NRL: variants seen among roughly 807,000 people sequenced by gnomAD.
NRL encodes the protein neural retina leucine zipper.
NRL carries 16 observed loss-of-function variants against 12.5 expected under a neutral mutation model. The ratio of observed to expected loss-of-function variants is 1.28; its 90% confidence interval spans 0.87 to 1.95. The LOEUF is 1.95. NRL is among the 30% of genes most tolerant of loss of function. The pLI, the probability that NRL is intolerant of heterozygous loss-of-function variation, is 0.00. For synonymous variants in NRL, 142 were observed against 150.9 expected (o/e 0.94, Z 0.43); for missense variants, 314 against 325.8 (o/e 0.96, Z 0.28).
In NRL at chr14:24,103,220, T is replaced by C. The variant is rs1414326220; in HGVS notation, c.-28+11502A>G. ...CATGGGGTGTTTGTGGGCAGCGCCA[T>C]GCGCTCTGAGTCCACTGCTGCAGCA... is the stretch of plus-strand genomic sequence containing the variant. On this transcript the variant is annotated intron_variant, in intron 1 of 2. Coordinates refer to ENST00000561028, the MANE Select transcript of NRL (RefSeq NM_001354768.3). The C allele has an allele frequency of 1.8e-5, 29 of 1,613,972 alleles. 2 individuals carry two copies. Among genetic ancestry groups the C allele is most frequent in the African/African-American group, 9.3e-5 (7 of 74,924 alleles).
chr14:24,103,585 G>A lies in NRL; in HGVS notation c.-28+11137C>T, dbSNP rs777497424. The stretch of plus-strand genomic sequence containing the variant: ...AACTTCGGGCACTACCTGGAACACT[G>A]GCTGAGCATGGAAGGGCGCAAGGGG... On this transcript the variant is annotated intron_variant, in intron 1 of 2. Transcript: ENST00000561028. 4 of 1,604,190 alleles carry A rather than the reference G, an allele frequency of 2.5e-6. No individual in the cohort carries two copies. The South Asian group carries it at 4.4e-5, about 18-fold the overall frequency.
Position 24,114,835 on chromosome 14 carries a change from G to C in NRL, c.-141C>G, listed in dbSNP as rs958122862. The C allele has an allele frequency of 4.1e-6, 4 of 985,842 alleles. No individual in the cohort carries two copies. The highest frequency in any genetic ancestry group is 1.7e-5 in the African/African-American group (1 of 57,260). The allele number at this position is 985,842 out of a possible 1,614,324, so 61.1% of individuals were successfully genotyped here. On this transcript the variant is annotated 5_prime_UTR_variant, in exon 1 of 3. Coordinates refer to ENST00000561028, the MANE Select transcript of NRL (RefSeq NM_001354768.3). ...GCGAGATGCGTGACGAGCGAAGCGC[G>C]TGACGGAGGAGCGGTTGGCCAACGC...
chr14:24,108,614 G>A (rs2037374205), intron 1 of NRL, among the ~76,000 whole-genome samples: 1 of 151,760 alleles, frequency 6.6e-6, no homozygotes, highest in African/African-American at 2.4e-5. Flanking sequence ...TTACAGGTGT[G>A]AGCCACTACC....
At chr14:24,098,864 G>C (rs1365932414) in intron 1 of NRL, among the ~76,000 whole-genome samples, 1 of 152,210 alleles carries the variant, frequency 6.6e-6, no homozygotes, top group East Asian at 1.9e-4. Flanking sequence ...ACTAGGTTGA[G>C]AAAAATCCGT....
chr14:24,099,382 GGCT>G, intron 1 of NRL: 1 of 1,008,022 alleles, frequency 9.9e-7, no homozygotes, highest in Non-Finnish European at 1.4e-6. Context: ...TTTGGCCTCA[GGCT>G]GCTGAATGTT....
rs2037018225 is a variant in NRL at position 24,098,760 on chromosome 14, C to T, written c.-27-15885G>A. ...ATCCCAAATCCTACCTCTCCACAGA[C>T]CCTAAGAACCTGTCCTCTCTGGCAA... On this transcript the variant is annotated intron_variant, in intron 1 of 2. Coordinates refer to ENST00000561028, the MANE Select transcript of NRL (RefSeq NM_001354768.3). 3 of 1,188,542 alleles carry T rather than the reference C, an allele frequency of 2.5e-6. No individual in the cohort carries two copies. The South Asian group carries it at 3.9e-5, about 15-fold the overall frequency. The allele number at this position is 1,188,542 out of a possible 1,614,324, so 73.6% of individuals were successfully genotyped here.
chr14:24,082,003 C>T (rs967182771), intron 2 of NRL: 23 of 1,203,694 alleles, frequency 1.9e-5, no homozygotes, highest in Non-Finnish European at 2.3e-5. Flanking sequence ...TCCTAATGCC[C>T]GCAACACCCC....
At chr14:24,099,767 C>A (rs779115372) in intron 1 of NRL, 21 of 1,570,190 alleles carry the variant, frequency 1.3e-5, no homozygotes, top group Non-Finnish European at 1.8e-5. Context: ...CTTGTCAGAG[C>A]CTCGGGGTCT....
At chr14:24,084,489 T>C in intron 1 of NRL, 2 of 954,838 alleles carry the variant, frequency 2.1e-6, no homozygotes, top group Non-Finnish European at 2.5e-6. Flanking sequence ...GTGAGCGGCC[T>C]GACACCCAGG....
rs1199231494 is a variant in NRL, at chr14:24,079,515, G to A, written c.*1721C>T. Among the ~76,000 whole-genome samples, 1 of 152,192 alleles carries A rather than the reference G, an allele frequency of 6.6e-6. No individual in the cohort carries two copies. Among genetic ancestry groups the A allele is most frequent in the African/African-American group, 2.4e-5 (1 of 41,446 alleles). ...GGTGGGGAAGGGAGAGGAGACGAGAGAAATTCTGAGAGCGATGGAGGAGAG... is the reference window on the plus strand; with the variant it reads ...GGTGGGGAAGGGAGAGGAGACGAGAAAAATTCTGAGAGCGATGGAGGAGAG... On this transcript the variant is annotated 3_prime_UTR_variant, in exon 3 of 3. Coordinates refer to ENST00000561028, the MANE Select transcript of NRL (RefSeq NM_001354768.3).
At chr14:24,096,774 G>A in intron 1 of NRL, 1 of 837,010 alleles carries the variant, frequency 1.2e-6, no homozygotes. Flanking sequence ...TGCTCTTCAT[G>A]GTCCCTGCAT....
rs2036345672 is a variant in NRL at position 24,082,522 on chromosome 14, C to T, written c.327G>A (p.Gly109=). 6.2e-7 allele frequency: 1 copy of T among 1,613,368 alleles called. No homozygotes were observed. The highest frequency in any genetic ancestry group is 8.5e-7 in the Non-Finnish European group (1 of 1,180,024). The change falls in exon 2 of 3, where the codon GGG becomes GGA. Residue 109 remains glycine, a synonymous_variant. Transcript: ENST00000561028. ...GGCTCCCTGGGTAGTAGCCATGGGG[C>T]CCATCAACAGGGACTGGGCCCTGAC... ...LQGQGPVPVD[G]PHGYYPGSPE...
chr14:24,100,697 A>T, intron 1 of NRL: 1 of 342,770 alleles, frequency 2.9e-6, no homozygotes, highest in Non-Finnish European at 4.2e-6. Flanking sequence ...CTCTGCTCCA[A>T]CTCTCCTCCT....
intron 1 of NRL, among the ~76,000 whole-genome samples, chr14:24,105,847 G>A (rs1015824794): frequency 1.3e-5 from 2 of 152,220 alleles, no homozygotes; most frequent in African/African-American, 2.4e-5. Flanking sequence ...AGAGGTTGCA[G>A]TAAGCCTAGA....
In NRL at chr14:24,081,613, C is replaced by G. The variant is rs1445569583; in HGVS notation, c.382-45G>C. ...AAACCGGGTCAGCGCCAGGTCGCAC[C>G]CGGCTCTGCCCTGAGGGCCCGACGC... On this transcript the variant is annotated intron_variant, in intron 2 of 2. Coordinates refer to ENST00000561028, the MANE Select transcript of NRL (RefSeq NM_001354768.3). The surrounding 1 kb of genome is among the most constrained non-coding windows in gnomAD (Gnocchi z 4.4). 1.6e-5 allele frequency: 25 copies of G among 1,551,966 alleles called. No individual in the cohort carries two copies. The highest frequency in any genetic ancestry group is 2.1e-5 in the Non-Finnish European group (24 of 1,149,148).
intron 1 of NRL, chr14:24,099,647 G>A: frequency 6.2e-7 from 1 of 1,613,696 alleles, no homozygotes; most frequent in Non-Finnish European, 8.5e-7. Flanking sequence ...TGGCTATGAT[G>A]CGGCCTGCAC....
At chr14:24,111,396 G>A (rs948877124) in intron 1 of NRL, among the ~76,000 whole-genome samples, 6 of 151,954 alleles carry the variant, frequency 3.9e-5, no homozygotes, top group African/African-American at 9.7e-5. Context: ...TGTGTGTGAC[G>A]GAGTTTCGCT....
intron 1 of NRL, among the ~76,000 whole-genome samples, chr14:24,095,986 T>C (rs1344063880): frequency 2.0e-5 from 3 of 152,174 alleles, no homozygotes; most frequent in African/African-American, 7.2e-5. Context: ...CTATTCTCTG[T>C]GCAAGAGCCC....
intron 1 of NRL, among the ~76,000 whole-genome samples, chr14:24,095,676 A>G (rs1225587461): frequency 6.6e-6 from 1 of 152,188 alleles, no homozygotes; most frequent in Non-Finnish European, 1.5e-5. Flanking sequence ...AGGCCTTGAT[A>G]GAGGAGGAGA....
Sources: gnomAD v4.1 joint callset for allele counts (sites outside exome capture counted in the v4.1 genomes callset) on GRCh38, gnomAD v4.1.1 for gene constraint, Gnocchi (gnomAD v3.1) non-coding constraint, MANE v1.5 for transcripts, NCBI Gene and HGNC (gene_info 2026-07-23, HGNC 2026-07-21) for gene names.